Variants in IFT172 observed in about 807,000 individuals in gnomAD.
IFT172 encodes intraflagellar transport protein 172 homolog.
A neutral mutation model predicts 248.9 loss-of-function variants in IFT172; 164 were observed. The observed-to-expected ratio is 0.66, with a 90% CI of 0.58 to 0.75. IFT172 has a LOEUF of 0.75. IFT172 is among the 30% of genes least tolerant of loss of function. The pLI is 0.00. For synonymous variants in IFT172, 729 were observed against 791.6 expected (o/e 0.92, Z 1.33); for missense variants, 1,950 against 2,192.4 (o/e 0.89, Z 2.21).
chr2:27,465,857 C>A lies in IFT172; in HGVS notation c.1718G>T (p.Gly573Val). Residue 573 changes from glycine (G) to valine (V), a missense_variant, in exon 17 of 48, where the codon GGC becomes GTC. By Grantham distance (109) the Gly-to-Val change is moderately radical (BLOSUM62 -3). Transcript: ENST00000260570. ...IRGDVIGLER[G>V]GGKTEVMVME... ...CACCATCACCTCGGTCTTTCCCCCG[C>A]CCCGCTCCAGACCTATAACATCACC... 2 of 1,614,114 alleles carry A rather than the reference C, an allele frequency of 1.2e-6. No homozygotes were observed. Among genetic ancestry groups the A allele is most frequent in the Non-Finnish European group, 1.7e-6 (2 of 1,180,010 alleles).
At chr2:27,465,211 C>T (rs930484432) in intron 18 of IFT172, 200 bp downstream of exon 18, 7 of 587,838 alleles carry the variant, frequency 1.2e-5, no homozygotes, top group African/African-American at 3.7e-5. Context: ...TCAGCCATCA[C>T]GCCTGGTCAA....
chr2:27,446,489 T>A lies in IFT172; in HGVS notation c.4660-134A>T, dbSNP rs554899158. On this transcript the variant is annotated intron_variant, in intron 42 of 47. Transcript: ENST00000260570. ...ACTGCTCTGGATTCTCAAGCTGTTCTGGGTCTTAGTTTTTTTTTTCTTTTT... is the reference window on the plus strand; with the variant it reads ...ACTGCTCTGGATTCTCAAGCTGTTCAGGGTCTTAGTTTTTTTTTTCTTTTT... The A allele has an allele frequency of 1.1e-4, 76 of 702,946 alleles. 1 individual carries two copies. Among genetic ancestry groups the A allele is most frequent in the Admixed American group, 9.3e-4 (30 of 32,268 alleles). 43.5% of individuals were successfully genotyped at this position (702,946 alleles called of 1,614,324 possible). A position where few individuals can be genotyped will look rare whatever the true frequency, so the allele number is the denominator to read the frequency against.
intron 33 of IFT172, 46 bp downstream of exon 33, chr2:27,453,936 T>A (rs1443690931): frequency 1.3e-6 from 2 of 1,570,646 alleles, no homozygotes; most frequent in Non-Finnish European, 1.7e-6. Context: ...TGTGGGCTCT[T>A]ACAAACTCTC....
At chr2:27,455,978 C>T in intron 30 of IFT172, 1 of 237,298 alleles carries the variant, frequency 4.2e-6, no homozygotes, top group South Asian at 4.7e-5. Flanking sequence ...CTTTGGGAGG[C>T]CAAGGTGGGC....
intron 30 of IFT172, 51 bp downstream of exon 30, chr2:27,456,460 T>C (rs746133193): frequency 6.4e-7 from 1 of 1,573,814 alleles, no homozygotes; most frequent in Admixed American, 1.9e-5. Context: ...TTTCTCTAGA[T>C]AGTGGCTCTG....
At chr2:27,472,038 CAA>C (rs34330432) in intron 15 of IFT172, 27,072 of 485,436 alleles carry the variant, frequency 0.056, no homozygotes, top group South Asian at 0.095. Flanking sequence ...ACACTGTCTC[CAA>C]AAAAAAAAAA....
intron 12 of IFT172, 64 bp downstream of exon 12, chr2:27,477,495 T>C (rs375389329): frequency 1.5e-6 from 2 of 1,334,688 alleles, no homozygotes; most frequent in Non-Finnish European, 2.2e-6. Context: ...ACTTGCCATC[T>C]TTATGACACA....
At chr2:27,461,695 AAGG>A in intron 21 of IFT172, 61 bp downstream of exon 21, 1 of 1,603,496 alleles carries the variant, frequency 6.2e-7, no homozygotes, top group Non-Finnish European at 8.5e-7. Flanking sequence ...TCCTTGACAA[AAGG>A]AGGTTTTTGA....
chr2:27,449,122 A>G (rs1390129676), intron 39 of IFT172, 91 bp from the exon 40 acceptor site: 6 of 1,066,860 alleles, frequency 5.6e-6, no homozygotes, highest in South Asian at 1.3e-5. Flanking sequence ...TGTTGAGGGG[A>G]AAAAGGGTGT....
intron 15 of IFT172, 114 bp from the exon 16 acceptor site, chr2:27,471,209 T>A (rs552290356): frequency 9.9e-7 from 1 of 1,008,070 alleles, no homozygotes; most frequent in Non-Finnish European, 1.5e-6. Context: ...CTCAGGTTCA[T>A]GCTGCATTTC....
In IFT172 at chr2:27,444,512, T is replaced by C. The variant is rs148800421; in HGVS notation, c.5170A>G (p.Ser1724Gly). 1 of 1,613,520 alleles carries C rather than the reference T, an allele frequency of 6.2e-7. No homozygotes were observed. The highest frequency in any genetic ancestry group is 8.5e-7 in the Non-Finnish European group (1 of 1,179,714). ...TTCAGCACGTCCTGGCACACTGGGCTGTGGGAGGTCTGTGAGCAAATGGAA... is the reference window on the plus strand; with the variant it reads ...TTCAGCACGTCCTGGCACACTGGGCCGTGGGAGGTCTGTGAGCAAATGGAA... ...KFLMAIKTSH[S>G]PVCQDVLKFI... Residue 1724 changes from serine (S) to glycine (G), a missense_variant, in exon 48 of 48, where the codon AGC becomes GGC. Coordinates refer to ENST00000260570, the MANE Select transcript of IFT172 (RefSeq NM_015662.3).
intron 1 of IFT172, 86 bp downstream of exon 1, chr2:27,489,529 G>T: frequency 1.0e-6 from 1 of 969,052 alleles, no homozygotes; most frequent in East Asian, 2.5e-5. Context: ...GCACACAGTA[G>T]GAGGTCAACA....
chr2:27,465,338 G>A (rs1033239138), intron 18 of IFT172, 73 bp downstream of exon 18: 2 of 1,252,610 alleles, frequency 1.6e-6, no homozygotes, highest in South Asian at 2.4e-5. Context: ...GATTGGAGTA[G>A]CCCACAGGGA....
At position 27,459,351 on chromosome 2, in the gene IFT172, G is replaced by A. The variant is rs543725329; in HGVS notation, c.2787+27C>T. On this transcript the variant is annotated intron_variant, in intron 25 of 47. Transcript: ENST00000260570. Reference sequence around the variant, plus strand: ...TTGTTATCCTCTACTGCATTGCCTCGTGCTGCGGAAAGGGACTCTTCCTCA... The same window carrying A: ...TTGTTATCCTCTACTGCATTGCCTCATGCTGCGGAAAGGGACTCTTCCTCA... 45 of 1,612,542 alleles carry A rather than the reference G, an allele frequency of 2.8e-5. No individual in the cohort carries two copies. The East Asian group carries it at 4.7e-4, about 17-fold the overall frequency.
rs747051013 is a variant in IFT172, at chr2:27,480,056, G to C, written c.879C>G (p.Ala293=). ...ITNLYTITAL[A]WKRDGSRLCV... ...AGAGCCGTGAGCCATCCCGCTTCCA[G>C]GCCAAGGCAGTGATGGTGTATAAAT... The change falls in exon 9 of 48, where the codon GCC becomes GCG. Residue 293 remains alanine (A), a synonymous_variant. Coordinates refer to ENST00000260570, the MANE Select transcript of IFT172 (RefSeq NM_015662.3). The C allele has an allele frequency of 2.5e-6, 4 of 1,613,898 alleles. No individual in the cohort carries two copies. The East Asian group carries it at 8.9e-5, about 36-fold the overall frequency.
chr2:27,446,479 C>T, intron 42 of IFT172, 124 bp from the exon 43 acceptor site: 1 of 775,504 alleles, frequency 1.3e-6, no homozygotes, highest in South Asian at 1.7e-5. Context: ...TCTGGATTCT[C>T]AAGCTGTTCT....
intron 1 of IFT172, among the ~76,000 whole-genome samples, chr2:27,487,237 G>A (rs1256246491): frequency 6.6e-6 from 1 of 152,006 alleles, no homozygotes. Flanking sequence ...GAGCCACCAC[G>A]CCCGGCCTGT....
intron 25 of IFT172, chr2:27,459,145 G>A: frequency 1.6e-6 from 1 of 627,058 alleles, no homozygotes. Flanking sequence ...GAATCACGCT[G>A]ACTGGAACAC....
At chr2:27,470,788 A>G in intron 16 of IFT172, 140 bp downstream of exon 16, 1 of 760,764 alleles carries the variant, frequency 1.3e-6, no homozygotes, top group Non-Finnish European at 2.0e-6. Flanking sequence ...GCTGGTCCAT[A>G]AGTCTAAGCT....
Sources: allele counts gnomAD v4.1 joint callset (sites outside exome capture counted in the v4.1 genomes callset), GRCh38; gene constraint gnomAD v4.1.1; transcripts MANE v1.5; gene names NCBI Gene and HGNC (gene_info 2026-07-23, HGNC 2026-07-21).